The following RIMS2 variants were observed in gnomAD, a reference collection of about 807,000 sequenced individuals.
RIMS2 encodes regulating synaptic membrane exocytosis 2, also known as regulating synaptic membrane exocytosis protein 2.
RIMS2 carries 59 observed loss-of-function variants against 174.4 expected under a neutral mutation model. The observed-to-expected ratio is 0.34, with a 90% CI of 0.27 to 0.42. The LOEUF (loss-of-function observed/expected upper bound fraction) is 0.42, where lower values mean the gene tolerates loss of function less well. Ranked by LOEUF, RIMS2 falls within the 10% of genes least tolerant of loss-of-function variation. The pLI is 1.00. For missense variants in RIMS2, 1,620 were observed against 1,666.3 expected, an observed-to-expected ratio of 0.97 and a Z score of 0.48; for synonymous variants, 606 against 572.5, an observed-to-expected ratio of 1.06 and a Z score of -0.84.
intron 19 of RIMS2, among the ~76,000 whole-genome samples, chr8:104,090,669 G>A (rs2097637682): frequency 1.3e-5 from 2 of 151,708 alleles, no homozygotes; most frequent in South Asian, 4.2e-4. Context: ...TCCTGCAGTC[G>A]GGAATCAGTA....
At chr8:103,592,685 A>G (rs2094317623) in intron 1 of RIMS2, among the ~76,000 whole-genome samples, 1 of 151,382 alleles carries the variant, frequency 6.6e-6, no homozygotes, top group Admixed American at 6.6e-5. Flanking sequence ...ATGGTTTTTT[A>G]TATTTACATC....
intron 19 of RIMS2, among the ~76,000 whole-genome samples, chr8:104,031,639 G>A (rs1327984064): frequency 3.3e-5 from 5 of 152,118 alleles, no homozygotes; most frequent in Non-Finnish European, 5.9e-5. Context: ...ATTATCTAAT[G>A]TTTCTGATAA....
intron 19 of RIMS2, among the ~76,000 whole-genome samples, chr8:104,231,260 A>C (rs771196680): frequency 2.6e-5 from 4 of 152,084 alleles, no homozygotes; most frequent in African/African-American, 4.8e-5. Flanking sequence ...CTTCATCTTA[A>C]CACTACCCTT....
At chr8:103,574,074 T>C (rs942589166) in intron 1 of RIMS2, among the ~76,000 whole-genome samples, 5 of 92,904 alleles carry the variant, frequency 5.4e-5, no homozygotes, top group African/African-American at 2.4e-4. Flanking sequence ...TAAGCAATAC[T>C]TTTTTTTTTT....
At chr8:103,972,825 T>G (rs902130871) in intron 15 of RIMS2, among the ~76,000 whole-genome samples, 1 of 152,148 alleles carries the variant, frequency 6.6e-6, no homozygotes, top group Non-Finnish European at 1.5e-5. Context: ...CTTCTGGCAT[T>G]TTGATTTTCC....
chr8:103,898,320 C>A (rs2099303024), intron 4 of RIMS2, among the ~76,000 whole-genome samples: 2 of 151,734 alleles, frequency 1.3e-5, no homozygotes, highest in African/African-American at 4.9e-5. Context: ...ATTAGCATAA[C>A]CCTGGAAAGA....
At chr8:103,885,593 C>T (rs1411125204) in exon 4 of RIMS2, 4 of 1,612,792 alleles carry the variant, frequency 2.5e-6, no homozygotes, top group South Asian at 2.2e-5. Context: ...GTACCAGTCA[C>T]GCTACCGAAG....
downstream of RIMS2, chr8:104,253,675 C>G (rs2099363866): frequency 6.6e-6 from 1 of 152,152 alleles, no homozygotes; most frequent in African/African-American, 2.4e-5. Flanking sequence ...TTGTAATAAA[C>G]CACCCATGGT....
chr8:104,142,704 A>T (rs182228278), intron 19 of RIMS2, among the ~76,000 whole-genome samples: 4 of 152,240 alleles, frequency 2.6e-5, no homozygotes, highest in East Asian at 3.9e-4. Flanking sequence ...TTAAACATAG[A>T]TTAATTACTA....
intron 1 of RIMS2, among the ~76,000 whole-genome samples, chr8:103,689,309 A>G (rs939189508): frequency 6.6e-6 from 1 of 152,036 alleles, no homozygotes; most frequent in Non-Finnish European, 1.5e-5. Context: ...CCATGTGCTG[A>G]GGGGAAGAAT....
intron 1 of RIMS2, among the ~76,000 whole-genome samples, chr8:103,624,925 G>A (rs559042344): frequency 6.6e-6 from 1 of 152,106 alleles, no homozygotes; most frequent in East Asian, 1.9e-4. Context: ...AAAATACTAA[G>A]CCCCTTTTTG....
At chr8:104,142,222 G>A (rs1278222872) in intron 19 of RIMS2, among the ~76,000 whole-genome samples, 3 of 151,140 alleles carry the variant, frequency 2.0e-5, no homozygotes, top group Non-Finnish European at 4.4e-5. Flanking sequence ...CCGCCTCCCG[G>A]GTTCAAGCGA....
intron 1 of RIMS2, among the ~76,000 whole-genome samples, chr8:103,693,363 T>C (rs772127406): frequency 2.6e-5 from 4 of 152,206 alleles, no homozygotes; most frequent in Admixed American, 6.5e-5. Context: ...GCTCACTTGA[T>C]CTTTGGTCCT....
intron 1 of RIMS2, among the ~76,000 whole-genome samples, chr8:103,668,657 T>A (rs1010922849): frequency 6.6e-6 from 1 of 150,630 alleles, no homozygotes; most frequent in African/African-American, 2.5e-5. Context: ...ATAGACGATT[T>A]ATTTATTTAT....
chr8:103,731,018 G>C (rs968936460), intron 2 of RIMS2, among the ~76,000 whole-genome samples: 1 of 152,174 alleles, frequency 6.6e-6, no homozygotes, highest in Non-Finnish European at 1.5e-5. Flanking sequence ...GCAGTCAAGA[G>C]AGAGCTTGTG....
intron 19 of RIMS2, among the ~76,000 whole-genome samples, chr8:104,135,702 C>T (rs2098513993): frequency 6.6e-6 from 1 of 150,966 alleles, no homozygotes; most frequent in Non-Finnish European, 1.5e-5. Context: ...GGAGTTCAGC[C>T]AGTTGGATGT....
intron 19 of RIMS2, among the ~76,000 whole-genome samples, chr8:104,095,476 A>T (rs533069136): frequency 1.3e-5 from 2 of 152,302 alleles, no homozygotes; most frequent in African/African-American, 4.8e-5. Context: ...CAGGGAAAAA[A>T]TACAGGCAGC....
At chr8:103,883,928 C>G (rs751618133) in intron 3 of RIMS2, among the ~76,000 whole-genome samples, 1 of 151,780 alleles carries the variant, frequency 6.6e-6, no homozygotes, top group Non-Finnish European at 1.5e-5. Context: ...ATTTTGAGAA[C>G]CCTTGTCTTT....
intron 1 of RIMS2, among the ~76,000 whole-genome samples, chr8:103,576,365 A>G (rs1348902875): frequency 6.6e-6 from 1 of 152,260 alleles, no homozygotes; most frequent in Non-Finnish European, 1.5e-5. Context: ...AATAAAAACC[A>G]CAATAAGCCA....
Sources: gnomAD v4.1 joint callset for allele counts (sites outside exome capture counted in the v4.1 genomes callset) on GRCh38, gnomAD v4.1.1 for gene constraint, MANE v1.5 for transcripts, NCBI Gene and HGNC (gene_info 2026-07-23, HGNC 2026-07-21) for gene names.